IL36RN: variants seen among roughly 807,000 people sequenced by gnomAD.
IL36RN encodes the protein interleukin 36 receptor antagonist.
In IL36RN, 11 loss-of-function variants were observed where a neutral mutation model predicts 13.0. The observed-to-expected ratio is 0.85, with a 90% CI of 0.53 to 1.40. The LOEUF is 1.40. IL36RN is among the 40% of genes most tolerant of loss of function. IL36RN has a pLI of 0.00. For missense variants in IL36RN, 195 were observed against 195.3 expected (o/e 1.00, Z 0.01); for synonymous variants, 94 against 84.1 (o/e 1.12, Z -0.64).
rs1685661242 is a variant in IL36RN at position 113,062,433 on chromosome 2, C to A, written c.244-20C>A. 1.2e-6 allele frequency: 2 copies of A among 1,613,454 alleles called. No individual in the cohort carries two copies. The highest frequency in any genetic ancestry group is 2.7e-5 in the African/African-American group (2 of 74,878). On this transcript the variant is annotated intron_variant, in intron 4 of 4. Transcript: ENST00000393200. ...GCCCCTGCTTCTGCCCTCACCTGAC[C>A]TCCCCTCCTCTGCCGGCAGCCAGTG...
At chr2:113,062,028 A>T in intron 3 of IL36RN, 96 bp from the exon 4 acceptor site, 1 of 1,526,492 alleles carries the variant, frequency 6.6e-7, no homozygotes, top group Admixed American at 1.9e-5. Context: ...GCCTGGGGGC[A>T]GGCCGTCTTA....
rs1158601429 is a variant in IL36RN at position 113,060,833 on chromosome 2, C to A, written c.30-19C>A. 2 of 1,592,352 alleles carry A rather than the reference C, an allele frequency of 1.3e-6. No homozygotes were observed. Among genetic ancestry groups the A allele is most frequent in the East Asian group, 2.2e-5 (1 of 44,780 alleles). ...CACCCTCCTCCTAATGTAGTCCTCA[C>A]CCCTTCCTGATGTTTCAGAATGAAG... On this transcript the variant is annotated intron_variant, in intron 2 of 4. Transcript: ENST00000393200.
At position 113,064,398 on chromosome 2, in the gene IL36RN, CA is replaced by C. The variant is rs1344073746; in HGVS notation, c.*1724del. ...GTGTGTGTCCCCTCCCACAATGTAC[CA>C]AAGTTGTCTTTGTGACCAATAGAAT... On this transcript the variant is annotated 3_prime_UTR_variant, in exon 5 of 5. Transcript: ENST00000393200. The C allele has an allele frequency of 6.6e-6, 1 of 152,152 alleles. No individual in the cohort carries two copies. The highest frequency in any genetic ancestry group is 6.5e-5 in the Admixed American group (1 of 15,274). 9.4% of individuals were successfully genotyped at this position (152,152 alleles called of 1,614,324 possible).
Position 113,062,854 on chromosome 2 carries a change from T to A in IL36RN, c.*177T>A. The stretch of plus-strand genomic sequence containing the variant: ...TTGGATAAATTCTGAGATTTGGAGC[T>A]CAGTCCACGGTCCTCCCCCACTGGA... On this transcript the variant is annotated 3_prime_UTR_variant, in exon 5 of 5. Coordinates refer to ENST00000393200, the MANE Select transcript of IL36RN (RefSeq NM_012275.3). 1 of 676,238 alleles carries A rather than the reference T, an allele frequency of 1.5e-6. No individual in the cohort carries two copies. Among genetic ancestry groups the A allele is most frequent in the Non-Finnish European group, 2.6e-6 (1 of 377,652 alleles). The allele number at this position is 676,238 out of a possible 1,614,324, so 41.9% of individuals were successfully genotyped here. A position where few individuals can be genotyped will look rare whatever the true frequency, so the allele number is the denominator to read the frequency against.
intron 2 of IL36RN, 79 bp downstream of exon 2, chr2:113,059,546 C>A: frequency 6.5e-7 from 1 of 1,528,272 alleles, no homozygotes; most frequent in Non-Finnish European, 9.1e-7. Context: ...CAGCTCTGAG[C>A]AGGAGGGAGG....
At chr2:113,061,493 G>A (rs1685638329) in intron 3 of IL36RN, among the ~76,000 whole-genome samples, 2 of 152,116 alleles carry the variant, frequency 1.3e-5, no homozygotes, top group South Asian at 4.1e-4. Context: ...ACAGATGCCA[G>A]GTAGATCCTT....
In IL36RN at chr2:113,062,236, G is replaced by A. The variant is rs774906497; in HGVS notation, c.228G>A (p.Pro76=). ...TGTCATGTGGGGTGGGGCAGGAGCCGACTCTAACACTAGAGGTGAGACTTG... is the reference window on the plus strand; with the variant it reads ...TGTCATGTGGGGTGGGGCAGGAGCCAACTCTAACACTAGAGGTGAGACTTG... The part of the protein sequence containing the change: ...QCLSCGVGQE[P]TLTLEPVNIM... Residue 76 remains proline (P), a synonymous_variant, in exon 4 of 5, where the codon CCG becomes CCA. Coordinates refer to ENST00000393200, the MANE Select transcript of IL36RN (RefSeq NM_012275.3). 9.9e-6 allele frequency: 16 copies of A among 1,613,990 alleles called. No homozygotes were observed. Among genetic ancestry groups the A allele is most frequent in the East Asian group, 6.7e-5 (3 of 44,886 alleles).
Position 113,062,727 on chromosome 2 carries a change from G to T in IL36RN, c.*50G>T. ...TGGGCAGAGCCAGCTCGGGTGAGGGGTGAGTGGAGGAGACCCATGGCGGAC... is the reference window on the plus strand; with the variant it reads ...TGGGCAGAGCCAGCTCGGGTGAGGGTTGAGTGGAGGAGACCCATGGCGGAC... On this transcript the variant is annotated 3_prime_UTR_variant, in exon 5 of 5. Coordinates refer to ENST00000393200, the MANE Select transcript of IL36RN (RefSeq NM_012275.3). The T allele has an allele frequency of 6.7e-7, 1 of 1,503,314 alleles. No homozygotes were observed. Among genetic ancestry groups the T allele is most frequent in the Non-Finnish European group, 9.1e-7 (1 of 1,096,666 alleles). 93.1% of individuals were successfully genotyped at this position (1,503,314 alleles called of 1,614,324 possible).
chr2:113,059,596 G>C, intron 2 of IL36RN, 129 bp downstream of exon 2: 2 of 1,036,576 alleles, frequency 1.9e-6, no homozygotes, highest in Non-Finnish European at 3.0e-6. Flanking sequence ...ATTGTGACCA[G>C]CACCTCACTG....
chr2:113,061,815 T>C (rs933550583), intron 3 of IL36RN, among the ~76,000 whole-genome samples: 4 of 152,158 alleles, frequency 2.6e-5, no homozygotes, highest in South Asian at 2.1e-4. Flanking sequence ...CAAGACAGGG[T>C]TCAGAAAAAG....
rs1298727507 is a variant in IL36RN, at chr2:113,063,199, CT to C, written c.*523del. Reference sequence around the variant, plus strand: ...CACTGTCATATGCTACCTTTCCTATCTCTTCCCTCATCATCTTGTTGTGGGC... The same window carrying C: ...CACTGTCATATGCTACCTTTCCTATCCTTCCCTCATCATCTTGTTGTGGGC... On this transcript the variant is annotated 3_prime_UTR_variant, in exon 5 of 5. Coordinates refer to ENST00000393200, the MANE Select transcript of IL36RN (RefSeq NM_012275.3). 1.1e-5 allele frequency: 2 copies of C among 187,542 alleles called. No individual in the cohort carries two copies. The highest frequency in any genetic ancestry group is 4.7e-5 in the African/African-American group (2 of 42,638). 11.6% of individuals were successfully genotyped at this position (187,542 alleles called of 1,614,324 possible). A position where few individuals can be genotyped will look rare whatever the true frequency, so the allele number is the denominator to read the frequency against.
Position 113,062,709 on chromosome 2 carries a change from A to G in IL36RN, c.*32A>G. ...GTGCCCCCCAGAACTCCCTGGGCAG[A>G]GCCAGCTCGGGTGAGGGGTGAGTGG... On this transcript the variant is annotated 3_prime_UTR_variant, in exon 5 of 5. Coordinates refer to ENST00000393200, the MANE Select transcript of IL36RN (RefSeq NM_012275.3). 6.3e-7 allele frequency: 1 copy of G among 1,588,364 alleles called. No individual in the cohort carries two copies. The highest frequency in any genetic ancestry group is 1.1e-5 in the South Asian group (1 of 90,168).
chr2:113,062,057 G>A (rs1685651889), intron 3 of IL36RN, 67 bp from the exon 4 acceptor site: 15 of 1,585,660 alleles, frequency 9.5e-6, no homozygotes, highest in Non-Finnish European at 1.3e-5. Flanking sequence ...CTGTGCCCTA[G>A]AGCCCAGGAC....
chr2:113,061,068 C>A (rs977865857), intron 3 of IL36RN, 131 bp downstream of exon 3: 5 of 741,214 alleles, frequency 6.7e-6, no homozygotes, highest in African/African-American at 1.7e-5. Flanking sequence ...GCAGCACAAA[C>A]CAGGCTCTAA....
chr2:113,059,302 T>C (rs1685590309), intron 1 of IL36RN, 61 bp downstream of exon 1: 8 of 894,824 alleles, frequency 8.9e-6, no homozygotes, highest in Non-Finnish European at 1.3e-5. Context: ...CAGAATCTGC[T>C]CCGTGGAGGC....
chr2:113,059,326 G>A, intron 1 of IL36RN, 85 bp downstream of exon 1: 1 of 1,174,986 alleles, frequency 8.5e-7, no homozygotes, highest in Non-Finnish European at 1.3e-6. Context: ...TCACATGCTG[G>A]GGAGCTCGGT....
chr2:113,064,265 A>T lies in IL36RN; in HGVS notation c.*1588A>T, dbSNP rs1685699025. 1 of 152,236 alleles carries T rather than the reference A, an allele frequency of 6.6e-6. No homozygotes were observed. The highest frequency in any genetic ancestry group is 1.5e-5 in the Non-Finnish European group (1 of 68,040). 9.4% of individuals were successfully genotyped at this position (152,236 alleles called of 1,614,324 possible). A position where few individuals can be genotyped will look rare whatever the true frequency, so the allele number is the denominator to read the frequency against. On this transcript the variant is annotated 3_prime_UTR_variant, in exon 5 of 5. Coordinates refer to ENST00000393200, the MANE Select transcript of IL36RN (RefSeq NM_012275.3). ...AGACTTCCAGCCTCCTGAACGAAGA[A>T]AGAATAAATTTCGGCTGTTTTAAGC...
intron 2 of IL36RN, among the ~76,000 whole-genome samples, chr2:113,060,042 T>C (rs1685609435): frequency 1.3e-5 from 2 of 152,198 alleles, no homozygotes; most frequent in Non-Finnish European, 2.9e-5. Flanking sequence ...ATCCAGGAGA[T>C]GCTTTACACA....
rs1685697645 is a variant in IL36RN, at chr2:113,064,187, AT to A, written c.*1512del. ...AGAAGCTTGGAAGAGGCAAAGAAGA[AT>A]TCTTCCCTAGAGGCTTTAGAGGGAT... is the stretch of plus-strand genomic sequence containing the variant. On this transcript the variant is annotated 3_prime_UTR_variant, in exon 5 of 5. Transcript: ENST00000393200. The A allele has an allele frequency of 6.6e-6, 1 of 152,210 alleles. No individual in the cohort carries two copies. Among genetic ancestry groups the A allele is most frequent in the Non-Finnish European group, 1.5e-5 (1 of 68,040 alleles). The allele number at this position is 152,210 out of a possible 1,614,324, so 9.4% of individuals were successfully genotyped here. A position where few individuals can be genotyped will look rare whatever the true frequency, so the allele number is the denominator to read the frequency against.
Sources: gnomAD v4.1 joint callset for allele counts (sites outside exome capture counted in the v4.1 genomes callset) on GRCh38, gnomAD v4.1.1 for gene constraint, MANE v1.5 for transcripts, NCBI Gene and HGNC (gene_info 2026-07-23, HGNC 2026-07-21) for gene names.